The following COL4A5 variants were observed in gnomAD, a reference collection of about 807,000 sequenced individuals.
The protein encoded by COL4A5 is collagen alpha-5(IV) chain.
COL4A5 carries 26 observed loss-of-function variants against 130.2 expected under a neutral mutation model. The ratio of observed to expected loss-of-function variants is 0.20; its 90% CI spans 0.15 to 0.28. COL4A5 has a LOEUF of 0.28. Among genes scored for constraint, COL4A5 ranks in the 10% least tolerant of loss-of-function variants. The pLI, the probability that COL4A5 is intolerant of heterozygous loss-of-function variation, is 1.00. For synonymous variants in COL4A5, 496 were observed against 439.6 expected (o/e 1.13, Z -1.60); for missense variants, 1,131 against 1,344.3 (o/e 0.84, Z 2.48).
At chrX:108,451,477 C>T (rs1206696211) in intron 1 of COL4A5, among the ~76,000 whole-genome samples, 1 of 111,836 alleles carries the variant, frequency 8.9e-6, no homozygotes, top group Non-Finnish European at 1.9e-5. Context: ...TAAAAGTGTT[C>T]GTATTTCTCC....
At chrX:108,649,217 A>G (rs2067670935) in intron 36 of COL4A5, among the ~76,000 whole-genome samples, 1 of 111,921 alleles carries the variant, frequency 8.9e-6, no homozygotes, top group Admixed American at 9.5e-5. Flanking sequence ...AGACCTCTCT[A>G]CAAGGAAGAC....
At chrX:108,691,124 G>A (rs1445764380) in intron 49 of COL4A5, among the ~76,000 whole-genome samples, 5 of 111,119 alleles carry the variant, frequency 4.5e-5, no homozygotes, top group Admixed American at 9.7e-5. Flanking sequence ...AACACATGGA[G>A]GCAGAGAGTG....
At chrX:108,572,535 C>T (rs978792674) in intron 8 of COL4A5, among the ~76,000 whole-genome samples, 2 of 111,478 alleles carry the variant, frequency 1.8e-5, no homozygotes, top group Non-Finnish European at 3.8e-5. Flanking sequence ...CCTTCACCCA[C>T]CACCTCATTC....
chrX:108,663,013 G>A (rs1358316183), intron 37 of COL4A5, among the ~76,000 whole-genome samples: 1 of 112,107 alleles, frequency 8.9e-6, no homozygotes, highest in Non-Finnish European at 1.9e-5. Flanking sequence ...ACATTGCTAA[G>A]GAGAGAATCC....
intron 1 of COL4A5, among the ~76,000 whole-genome samples, chrX:108,451,322 T>G (rs1158138684): frequency 4.5e-5 from 5 of 110,730 alleles, no homozygotes; most frequent in Non-Finnish European, 1.9e-5. Context: ...CATGTGTCTT[T>G]ATAGCAGCAT....
chrX:108,531,643 A>C (rs1457730707), intron 1 of COL4A5, among the ~76,000 whole-genome samples: 1 of 110,839 alleles, frequency 9.0e-6, no homozygotes, highest in Non-Finnish European at 1.9e-5. Flanking sequence ...AGCAAACATA[A>C]GGGCCCAACA....
At chrX:108,637,925 G>T (rs766075463) in intron 36 of COL4A5, among the ~76,000 whole-genome samples, 2 of 108,910 alleles carry the variant, frequency 1.8e-5, no homozygotes, top group South Asian at 8.1e-4. Context: ...TGCAGTTACG[G>T]CTCACTGCAG....
At chrX:108,497,071 C>A (rs186182276) in intron 1 of COL4A5, among the ~76,000 whole-genome samples, 4 of 111,781 alleles carry the variant, frequency 3.6e-5, no homozygotes, top group African/African-American at 1.3e-4. Context: ...CTCTCTGTTT[C>A]TATAGATTTG....
In COL4A5 at chrX:108,448,746, ATTT is replaced by A. The variant is rs750124789; in HGVS notation, c.81+8543_81+8545del. Reference sequence around the variant, plus strand: ...CTATCTGTCTTAAACAATAAAAACAATTTTTAGCTCACATAACAAGAAGTTTGG... The same window carrying A: ...CTATCTGTCTTAAACAATAAAAACAATTAGCTCACATAACAAGAAGTTTGG... On this transcript the variant is annotated intron_variant, in intron 1 of 52. Coordinates refer to ENST00000328300, the MANE Select transcript of COL4A5 (RefSeq NM_033380.3). Among the ~76,000 whole-genome samples, 42 of 112,244 alleles carry A rather than the reference ATTT, an allele frequency of 3.7e-4. No individual in the cohort carries two copies. In the East Asian group the frequency reaches 0.012, roughly 31 times the overall value.
chrX:108,478,550 G>A (rs1036475434), intron 1 of COL4A5, among the ~76,000 whole-genome samples: 2 of 111,424 alleles, frequency 1.8e-5, no homozygotes, highest in Non-Finnish European at 3.8e-5. Flanking sequence ...GCAATGTATT[G>A]TCACCTAGTT....
chrX:108,475,886 T>C (rs2064827977), intron 1 of COL4A5, among the ~76,000 whole-genome samples: 1 of 112,164 alleles, frequency 8.9e-6, no homozygotes, highest in African/African-American at 3.2e-5. Context: ...TTGTACAGTA[T>C]ATAAACCTCT....
intron 36 of COL4A5, among the ~76,000 whole-genome samples, chrX:108,643,450 A>C (rs2067510120): frequency 9.0e-6 from 1 of 111,528 alleles, no homozygotes; most frequent in Admixed American, 9.6e-5. Flanking sequence ...AAAGAATCTT[A>C]AGAGCTGTGA....
chrX:108,622,647 T>C lies in COL4A5; in HGVS notation c.2768-29T>C, dbSNP rs766390512. 1.3e-5 allele frequency: 16 copies of C among 1,199,433 alleles called. 1 individual carries two copies. The South Asian group carries it at 1.9e-4, about 15-fold the overall frequency. On this transcript the variant is annotated intron_variant, in intron 32 of 52. Transcript: ENST00000328300. ...TAATCTTTGATGGATAAAATTGATATATTGTGTTTTCACACACATTGATTT... is the reference window on the plus strand; with the variant it reads ...TAATCTTTGATGGATAAAATTGATACATTGTGTTTTCACACACATTGATTT...
Position 108,526,595 on chromosome X carries a change from C to T in COL4A5, c.82-13151C>T, listed in dbSNP as rs373315007. Among the ~76,000 whole-genome samples the T allele has an allele frequency of 3.5e-3, 118 of 33,268 alleles. 3 individuals carry two copies. Among genetic ancestry groups the T allele is most frequent in the African/African-American group, 0.011 (84 of 7,959 alleles). The allele number at this position is 33,268 out of a possible 115,157, so 28.9% of individuals were successfully genotyped here. A position where few individuals can be genotyped will look rare whatever the true frequency, so the allele number is the denominator to read the frequency against. On this transcript the variant is annotated intron_variant, in intron 1 of 52. Coordinates refer to ENST00000328300, the MANE Select transcript of COL4A5 (RefSeq NM_033380.3). ...TTCCTCCCTCCCTCCCTCCCTCCCTCCTTTCTTTCTTTCTTTCTTTCTTTC... is the reference window on the plus strand; with the variant it reads ...TTCCTCCCTCCCTCCCTCCCTCCCTTCTTTCTTTCTTTCTTTCTTTCTTTC...
intron 37 of COL4A5, among the ~76,000 whole-genome samples, chrX:108,664,892 T>C (rs1569505307): frequency 1.8e-5 from 2 of 112,119 alleles, no homozygotes; most frequent in African/African-American, 6.5e-5. Context: ...ATGTCTGTTA[T>C]TACAGCAACT....
chrX:108,675,597 T>C (rs2068288062), intron 43 of COL4A5, among the ~76,000 whole-genome samples: 1 of 111,362 alleles, frequency 9.0e-6, no homozygotes, highest in Non-Finnish European at 1.9e-5. Context: ...TGTTGACTGG[T>C]TGCCAGCCTA....
intron 36 of COL4A5, among the ~76,000 whole-genome samples, chrX:108,645,572 C>CT (rs1319115469): frequency 9.3e-6 from 1 of 107,402 alleles, no homozygotes; most frequent in Non-Finnish European, 1.9e-5. Context: ...ATCTTGGTTA[C>CT]TTTTTTTTAA....
intron 46 of COL4A5, 34 bp downstream of exon 46, chrX:108,680,990 T>C (rs757114415): frequency 1.8e-6 from 2 of 1,107,008 alleles, no homozygotes; most frequent in East Asian, 3.0e-5. Context: ...TTATACCTGA[T>C]ACTTAGATGC....
At chrX:108,654,861 T>G (rs746987260) in intron 36 of COL4A5, among the ~76,000 whole-genome samples, 1 of 112,685 alleles carries the variant, frequency 8.9e-6, no homozygotes, top group East Asian at 2.8e-4. Flanking sequence ...ATGAATTGCA[T>G]TATGGCACAG....
Sources: gnomAD v4.1 joint callset for allele counts (sites outside exome capture counted in the v4.1 genomes callset) on GRCh38, gnomAD v4.1.1 for gene constraint, MANE v1.5 for transcripts, NCBI Gene and HGNC (gene_info 2026-07-23, HGNC 2026-07-21) for gene names.